The following SLC30A8 variants were observed in gnomAD, a reference collection of about 807,000 sequenced individuals.
SLC30A8 encodes the protein proton-coupled zinc antiporter SLC30A8.
Under a neutral mutation model 36.9 loss-of-function variants are expected in SLC30A8, and 27 were observed. The observed-to-expected ratio is 0.73, with a 90% CI of 0.54 to 1.01. SLC30A8 has a LOEUF of 1.01. Ranked by LOEUF, SLC30A8 falls within the 50% of genes least tolerant of loss-of-function variation. SLC30A8 has a pLI of 0.00. For synonymous variants in SLC30A8, 164 were observed against 172.4 expected, an observed-to-expected ratio of 0.95 and a Z score of 0.38; for missense variants, 439 against 452.0, an observed-to-expected ratio of 0.97 and a Z score of 0.26.
intron 1 of SLC30A8, among the ~76,000 whole-genome samples, chr8:116,999,472 G>T (rs1815933981): frequency 6.6e-6 from 1 of 152,178 alleles, no homozygotes; most frequent in Non-Finnish European, 1.5e-5. Context: ...GTATGTGGGT[G>T]TGAGGAGACA....
intron 2 of SLC30A8, among the ~76,000 whole-genome samples, chr8:117,100,598 A>G (rs1225005563): frequency 1.3e-5 from 2 of 152,172 alleles, no homozygotes; most frequent in African/African-American, 4.8e-5. Context: ...AGGCACTTGC[A>G]GGTCTTCTAC....
intron 2 of SLC30A8, among the ~76,000 whole-genome samples, chr8:117,148,162 TCTCA>T (rs1452259176): frequency 1.3e-5 from 2 of 152,064 alleles, no homozygotes; most frequent in South Asian, 2.1e-4. Context: ...CTTTTACTAC[TCTCA>T]CTATTTTAGT....
intron 1 of SLC30A8, among the ~76,000 whole-genome samples, chr8:117,030,821 T>A (rs551783331): frequency 1.3e-5 from 2 of 152,302 alleles, no homozygotes; most frequent in African/African-American, 4.8e-5. Context: ...AAAGCTTGAG[T>A]TCTCTCTCCT....
chr8:117,057,643 AT>A (rs767592934), intron 2 of SLC30A8, among the ~76,000 whole-genome samples: 2 of 152,166 alleles, frequency 1.3e-5, no homozygotes, highest in Non-Finnish European at 2.9e-5. Flanking sequence ...TATCTGGCTT[AT>A]TTCACAGAGT....
At chr8:117,006,178 G>C (rs1409419811) in intron 1 of SLC30A8, among the ~76,000 whole-genome samples, 1 of 152,202 alleles carries the variant, frequency 6.6e-6, no homozygotes, top group African/African-American at 2.4e-5. Context: ...TAGAAATTAG[G>C]ATGTTGGTGA....
intron 6 of SLC30A8, among the ~76,000 whole-genome samples, chr8:117,166,788 T>TTTTTTTTTTTTC (rs1823079309): frequency 7.3e-6 from 1 of 136,548 alleles, no homozygotes; most frequent in African/African-American, 2.6e-5. Context: ...TTTTTTTTTG[T>TTTTTTTTTTTTC]CCAGCACATT....
At chr8:117,046,584 A>G (rs1186742654) in intron 2 of SLC30A8, among the ~76,000 whole-genome samples, 3 of 152,240 alleles carry the variant, frequency 2.0e-5, no homozygotes, top group Non-Finnish European at 4.4e-5. Context: ...AATTTATTGA[A>G]TGCCTGATCA....
chr8:117,169,629 C>T (rs954876213), intron 6 of SLC30A8, among the ~76,000 whole-genome samples: 1 of 152,074 alleles, frequency 6.6e-6, no homozygotes, highest in African/African-American at 2.4e-5. Flanking sequence ...TTAATTGGCT[C>T]ATGGTTCTGC....
intron 6 of SLC30A8, among the ~76,000 whole-genome samples, chr8:117,168,817 C>T (rs1823202259): frequency 6.6e-6 from 1 of 152,124 alleles, no homozygotes; most frequent in African/African-American, 2.4e-5. Context: ...ACACTTTATA[C>T]TCAGAGCACA....
intron 1 of SLC30A8, among the ~76,000 whole-genome samples, chr8:116,978,383 A>G (rs887274903): frequency 3.9e-5 from 6 of 152,106 alleles, no homozygotes; most frequent in African/African-American, 1.5e-4. Context: ...CATTGAATAG[A>G]AATGAAGAAA....
chr8:117,027,043 A>G (rs371639356), intron 1 of SLC30A8, among the ~76,000 whole-genome samples: 16 of 152,298 alleles, frequency 1.1e-4, no homozygotes, highest in East Asian at 9.7e-4. Flanking sequence ...AAATGCCCAT[A>G]TAAATGTGAG....
At chr8:117,073,367 C>A (rs1586470589) in intron 2 of SLC30A8, among the ~76,000 whole-genome samples, 2 of 151,816 alleles carry the variant, frequency 1.3e-5, no homozygotes, top group East Asian at 3.9e-4. Context: ...AATTCTCATG[C>A]CTCAGCCTCC....
At chr8:117,005,564 T>G (rs1258264976) in intron 1 of SLC30A8, among the ~76,000 whole-genome samples, 1 of 152,250 alleles carries the variant, frequency 6.6e-6, no homozygotes, top group African/African-American at 2.4e-5. Context: ...TGAATATATC[T>G]GTTTTAAATT....
At chr8:117,068,601 G>C (rs899978267) in intron 2 of SLC30A8, among the ~76,000 whole-genome samples, 1 of 152,094 alleles carries the variant, frequency 6.6e-6, no homozygotes, top group African/African-American at 2.4e-5. Flanking sequence ...TTTTGAGACA[G>C]TGTCTCACTC....
At chr8:117,090,283 A>G (rs1322747967) in intron 2 of SLC30A8, among the ~76,000 whole-genome samples, 2 of 152,100 alleles carry the variant, frequency 1.3e-5, no homozygotes, top group Admixed American at 1.3e-4. Flanking sequence ...AATTTTTAAG[A>G]CTAGCTTTAT....
chr8:117,012,309 C>T (rs2938860), intron 1 of SLC30A8, among the ~76,000 whole-genome samples: 129,022 of 152,010 alleles, frequency 0.85, 54,811 homozygotes, highest in South Asian at 0.96. Flanking sequence ...AGTGTTATGC[C>T]ATTTTAATGA....
intron 6 of SLC30A8, among the ~76,000 whole-genome samples, chr8:117,167,381 C>T (rs991041581): frequency 6.6e-6 from 1 of 151,938 alleles, no homozygotes; most frequent in African/African-American, 2.4e-5. Context: ...TTTAAAAAGT[C>T]TCCTTATAAT....
At chr8:116,959,801 G>A (rs1814354488) in intron 1 of SLC30A8, among the ~76,000 whole-genome samples, 1 of 152,130 alleles carries the variant, frequency 6.6e-6, no homozygotes, top group African/African-American at 2.4e-5. Context: ...GTGAAGACTG[G>A]GTTTCCTTTA....
chr8:117,057,597 G>A (rs915243613), intron 2 of SLC30A8, among the ~76,000 whole-genome samples: 1 of 151,994 alleles, frequency 6.6e-6, no homozygotes, highest in Admixed American at 6.6e-5. Context: ...TAGATTCCAT[G>A]TATAAGTGAA....
Sources: allele counts gnomAD v4.1 joint callset (sites outside exome capture counted in the v4.1 genomes callset), GRCh38; gene constraint gnomAD v4.1.1; transcripts MANE v1.5; gene names NCBI Gene and HGNC (gene_info 2026-07-23, HGNC 2026-07-21).